Variants in DHRSX observed in about 807,000 individuals in gnomAD.
The protein encoded by DHRSX is dehydrogenase/reductase X-linked.
In DHRSX, 31 loss-of-function variants were observed where a neutral mutation model predicts 34.0. The ratio of observed to expected loss-of-function variants is 0.91; its 90% CI spans 0.69 to 1.23. The LOEUF is 1.23. Among genes scored for constraint, DHRSX ranks in the 50% most tolerant of loss-of-function variants. The probability of loss-of-function intolerance (pLI) is 0.00; values close to 1 mark genes in which losing one functional copy is unlikely to be tolerated. For missense variants in DHRSX, 414 were observed against 428.1 expected (o/e 0.97, Z 0.29); for synonymous variants, 201 against 183.8 (o/e 1.09, Z -0.76).
At chrX:2,398,875 C>T (rs1213332626) in intron 3 of DHRSX, among the ~76,000 whole-genome samples, 10 of 150,654 alleles carry the variant, frequency 6.6e-5, no homozygotes, top group African/African-American at 1.7e-4. Context: ...TATTTGGAGA[C>T]GGTGTCTCGC....
At chrX:2,341,939 G>A (rs1235054940) in intron 3 of DHRSX, among the ~76,000 whole-genome samples, 1 of 151,994 alleles carries the variant, frequency 6.6e-6, no homozygotes, top group African/African-American at 2.4e-5. Context: ...CAAGTATCTG[G>A]GACTACAGAT....
intron 3 of DHRSX, among the ~76,000 whole-genome samples, chrX:2,336,795 G>C (rs991744461): frequency 4.6e-5 from 7 of 152,006 alleles, no homozygotes; most frequent in African/African-American, 1.4e-4. Context: ...GTGGCTTTAA[G>C]ACTTCCAAGT....
intron 1 of DHRSX, among the ~76,000 whole-genome samples, chrX:2,458,231 C>T (rs1366885913): frequency 6.6e-6 from 1 of 151,906 alleles, no homozygotes; most frequent in Non-Finnish European, 1.5e-5. Flanking sequence ...CCAAGGGACC[C>T]CCACCTTGTA....
chrX:2,256,161 A>AT (rs2041275277), intron 5 of DHRSX, among the ~76,000 whole-genome samples: 1 of 149,902 alleles, frequency 6.7e-6, no homozygotes, highest in Non-Finnish European at 1.5e-5. Context: ...TGCCTGGCTA[A>AT]TTTTTTATAT....
chrX:2,373,537 C>A (rs1216027400), intron 3 of DHRSX, among the ~76,000 whole-genome samples: 1 of 152,174 alleles, frequency 6.6e-6, no homozygotes, highest in Admixed American at 6.5e-5. Context: ...CAGGATAACC[C>A]TCTACATCCC....
rs185600470 is a variant in DHRSX, at chrX:2,358,343, G to C, written c.286+50402C>G. 6.2e-4 allele frequency among the ~76,000 whole-genome samples: 95 copies of C among 152,264 alleles called. 1 individual carries two copies. The highest frequency in any genetic ancestry group is 2.2e-3 in the African/African-American group (93 of 41,558). On this transcript the variant is annotated intron_variant, in intron 3 of 6. Transcript: ENST00000334651. ...AAATAAAAACAAAAAAAATCCCATT[G>C]AAAGCACACCCTTTGCCACGTCAGG...
chrX:2,465,623 G>T (rs769045459), intron 1 of DHRSX, among the ~76,000 whole-genome samples: 1 of 150,534 alleles, frequency 6.6e-6, no homozygotes, highest in South Asian at 2.1e-4. Context: ...CCCAACAGGT[G>T]AAACCCCGTC....
intron 3 of DHRSX, among the ~76,000 whole-genome samples, chrX:2,369,705 T>C (rs771647104): frequency 3.3e-5 from 5 of 152,220 alleles, no homozygotes; most frequent in Admixed American, 2.0e-4. Flanking sequence ...GGTTTCACCA[T>C]GTTGGCCAGG....
At chrX:2,490,852 G>T in intron 1 of DHRSX, 2 of 1,297,810 alleles carry the variant, frequency 1.5e-6, no homozygotes, top group Non-Finnish European at 2.1e-6. Flanking sequence ...CAGACAGGGT[G>T]CCGGGGCAGC....
intron 3 of DHRSX, among the ~76,000 whole-genome samples, chrX:2,328,574 C>T (rs183703418): frequency 1.8e-4 from 28 of 152,000 alleles, no homozygotes; most frequent in African/African-American, 6.8e-4. Flanking sequence ...GATGAGGACA[C>T]AGACACACAC....
intron 3 of DHRSX, among the ~76,000 whole-genome samples, chrX:2,380,411 T>A (rs1356931172): frequency 6.9e-6 from 1 of 144,134 alleles, no homozygotes; most frequent in Non-Finnish European, 1.5e-5. Context: ...AAACATATGA[T>A]AAGGAAGCAG....
intron 3 of DHRSX, among the ~76,000 whole-genome samples, chrX:2,302,673 G>A (rs1362988080): frequency 6.6e-6 from 1 of 152,082 alleles, no homozygotes; most frequent in Non-Finnish European, 1.5e-5. Flanking sequence ...ACACACTCCT[G>A]AATCAGACGG....
At chrX:2,330,646 C>G (rs1408607335) in intron 3 of DHRSX, among the ~76,000 whole-genome samples, 2 of 129,504 alleles carry the variant, frequency 1.5e-5, no homozygotes, top group Non-Finnish European at 3.1e-5. Flanking sequence ...GGAGAAGAAA[C>G]GAAAGAAGAT....
intron 3 of DHRSX, among the ~76,000 whole-genome samples, chrX:2,379,308 A>G (rs2043177208): frequency 6.6e-6 from 1 of 152,220 alleles, no homozygotes; most frequent in Non-Finnish European, 1.5e-5. Flanking sequence ...TTCCTTCTAC[A>G]TGATAAGCCG....
At chrX:2,488,991 A>T in intron 1 of DHRSX, 3 of 1,606,382 alleles carry the variant, frequency 1.9e-6, no homozygotes, top group South Asian at 2.2e-5. Flanking sequence ...ACCTTCTGGG[A>T]CTTGAAGTTG....
chrX:2,225,915 G>T (rs749330632), intron 6 of DHRSX, among the ~76,000 whole-genome samples: 38 of 151,506 alleles, frequency 2.5e-4, no homozygotes, highest in Non-Finnish European at 2.5e-4. Context: ...GACTGAGACA[G>T]CTCATAAGAA....
chrX:2,439,284 G>C (rs1311552919), intron 1 of DHRSX, among the ~76,000 whole-genome samples: 2 of 151,970 alleles, frequency 1.3e-5, no homozygotes, highest in Non-Finnish European at 2.9e-5. Context: ...GACTGCAGAG[G>C]AAAGAGAGGG....
chrX:2,459,561 T>C (rs1374015031), intron 1 of DHRSX, among the ~76,000 whole-genome samples: 2 of 141,502 alleles, frequency 1.4e-5, no homozygotes, highest in Non-Finnish European at 3.0e-5. Flanking sequence ...TATATATATA[T>C]ATATATATAT....
At chrX:2,452,839 C>A (rs368705886) in intron 1 of DHRSX, among the ~76,000 whole-genome samples, 4 of 152,184 alleles carry the variant, frequency 2.6e-5, no homozygotes, top group African/African-American at 9.7e-5. Flanking sequence ...CAGTCATGGG[C>A]CTGCGAAACA....
Sources: allele counts gnomAD v4.1 joint callset (sites outside exome capture counted in the v4.1 genomes callset), GRCh38; gene constraint gnomAD v4.1.1; transcripts MANE v1.5; gene names NCBI Gene and HGNC (gene_info 2026-07-23, HGNC 2026-07-21).